AOPEP: variants seen among roughly 807,000 people sequenced by gnomAD.
AOPEP encodes aminopeptidase O.
A neutral mutation model predicts 98.1 loss-of-function variants in AOPEP; 77 were observed. The observed-to-expected ratio is 0.78, with a 90% confidence interval of 0.65 to 0.95. AOPEP has a LOEUF of 0.95. Ranked by LOEUF, AOPEP falls within the 40% of genes least tolerant of loss-of-function variation. The pLI, the probability that AOPEP is intolerant of heterozygous loss-of-function variation, is 0.00. For missense variants in AOPEP, 1,024 were observed against 1,024.7 expected (o/e 1.00, Z 0.01); for synonymous variants, 346 against 365.3 (o/e 0.95, Z 0.60).
chr9:94,962,832 ACGCCATTCTCC>A (rs1392989147), intron 9 of AOPEP, among the ~76,000 whole-genome samples: 1 of 146,264 alleles, frequency 6.8e-6, no homozygotes, highest in Non-Finnish European at 1.5e-5. Flanking sequence ...TTGTGGGTTC[ACGCCATTCTCC>A]CGCCATTCTC....
chr9:94,933,152 T>C lies in AOPEP; in HGVS notation c.1661+4621T>C, dbSNP rs80033375. 5 of 985,670 alleles carry C rather than the reference T, an allele frequency of 5.1e-6. No homozygotes were observed. The East Asian group carries it at 4.5e-4, about 89-fold the overall frequency. 61.1% of individuals were successfully genotyped at this position (985,670 alleles called of 1,614,324 possible). On this transcript the variant is annotated intron_variant, in intron 7 of 16. Transcript: ENST00000375315. ...GCCACTGTTCAGCTCTCTCCTGTCA[T>C]CTATCCCCTGCCTACAAGGTCCCCT... is the stretch of plus-strand genomic sequence containing the variant.
the AOPEP span, among the ~76,000 whole-genome samples, chr9:95,133,515 T>C: frequency 2.0e-5 from 3 of 152,364 alleles, no homozygotes; most frequent in East Asian, 3.9e-4. Flanking sequence ...TATACAGTTA[T>C]GTGCAATGGG....
rs1846030852 is a variant in AOPEP at position 94,792,834 on chromosome 9, G to C, written c.1034G>C (p.Cys345Ser). ...PASTFTIAVG[C>S]WTEMKMETWS... ...TCCACCTTCACAATTGCAGTGGGATGCTGGACAGAAATGAAGATGGAGACA... is the reference window on the plus strand; with the variant it reads ...TCCACCTTCACAATTGCAGTGGGATCCTGGACAGAAATGAAGATGGAGACA... Residue 345 changes from cysteine to serine, a missense_variant, in exon 4 of 17, where the codon TGC (cysteine) becomes TCC (serine). Physicochemically the swap from Cys to Ser is moderately radical, Grantham distance 112. Around this residue, in one of 3 missense-constraint regions of AOPEP, gnomAD observed 440 missense variants for 433.8 expected, o/e 1.01. Coordinates refer to ENST00000375315, the MANE Select transcript of AOPEP (RefSeq NM_001193329.3). The C allele has an allele frequency of 6.2e-7, 1 of 1,613,778 alleles. No homozygotes were observed. Among genetic ancestry groups the C allele is most frequent in the Admixed American group, 1.7e-5 (1 of 59,984 alleles).
the AOPEP span, chr9:95,117,533 G>A: frequency 5.7e-6 from 4 of 704,906 alleles, no homozygotes; most frequent in Non-Finnish European, 1.0e-5. Flanking sequence ...TTTATTTTTT[G>A]AAAAATAAGC....
intron 15 of AOPEP, among the ~76,000 whole-genome samples, chr9:95,082,219 C>T (rs577394557): frequency 2.6e-5 from 4 of 152,316 alleles, no homozygotes; most frequent in African/African-American, 9.6e-5. Context: ...TGTAATGCCA[C>T]ACAGGCTCTC....
chr9:95,039,633 A>G (rs570576256), intron 13 of AOPEP, among the ~76,000 whole-genome samples: 1 of 152,328 alleles, frequency 6.6e-6, no homozygotes, highest in East Asian at 1.9e-4. Flanking sequence ...AATTAAATAC[A>G]TTTAACATAA....
At chr9:94,830,867 T>G (rs2134445240) in intron 5 of AOPEP, among the ~76,000 whole-genome samples, 1 of 152,352 alleles carries the variant, frequency 6.6e-6, no homozygotes, top group Non-Finnish European at 1.5e-5. Context: ...AAGTGTCTGT[T>G]CATGTCCTTC....
chr9:95,142,539 G>C, the AOPEP span: 1 of 152,254 alleles, frequency 6.6e-6, no homozygotes, highest in East Asian at 1.9e-4. Context: ...AGTGGCTGTA[G>C]ACGCTAATGG....
chr9:94,795,519 G>A (rs1846732247), intron 4 of AOPEP, among the ~76,000 whole-genome samples: 1 of 152,156 alleles, frequency 6.6e-6, no homozygotes, highest in African/African-American at 2.4e-5. Flanking sequence ...TTTCATCTAA[G>A]GCCTCAGCAT....
intron 1 of AOPEP, among the ~76,000 whole-genome samples, chr9:94,728,923 CG>C (rs1829888480): frequency 6.6e-6 from 1 of 152,050 alleles, no homozygotes; most frequent in South Asian, 2.1e-4. Flanking sequence ...GCTGACATTG[CG>C]TTGATTTGTT....
intron 16 of AOPEP, chr9:95,086,269 C>T (rs994341851): frequency 8.3e-7 from 1 of 1,210,936 alleles, no homozygotes; most frequent in Non-Finnish European, 1.1e-6. Flanking sequence ...TTGGAAAACC[C>T]TGTTGGCAGA....
At chr9:94,741,439 A>ATTT (rs1287022350) in intron 1 of AOPEP, among the ~76,000 whole-genome samples, 1 of 151,460 alleles carries the variant, frequency 6.6e-6, no homozygotes, top group Non-Finnish European at 1.5e-5. Context: ...TGCCTGGCTA[A>ATTT]TTTTTGTATT....
chr9:95,121,831 A>G, the AOPEP span, among the ~76,000 whole-genome samples: 1 of 151,996 alleles, frequency 6.6e-6, no homozygotes, highest in African/African-American at 2.4e-5. Context: ...TTTCAGAAAG[A>G]GCAAAGGGAT....
intron 6 of AOPEP, among the ~76,000 whole-genome samples, chr9:94,924,787 G>T (rs1480227896): frequency 1.3e-5 from 2 of 152,148 alleles, no homozygotes; most frequent in African/African-American, 2.4e-5. Context: ...TACACTATTA[G>T]TTTTTTAAGG....
At chr9:94,825,366 C>T (rs1025978031) in intron 5 of AOPEP, among the ~76,000 whole-genome samples, 13 of 152,342 alleles carry the variant, frequency 8.5e-5, no homozygotes, top group Middle Eastern at 3.4e-3. Flanking sequence ...GGGAGACCCA[C>T]GTTGTCGAAG....
rs546940987 is a variant in AOPEP, at chr9:94,967,904, C to T, written c.1916+103C>T. 251 of 981,050 alleles carry T rather than the reference C, an allele frequency of 2.6e-4. No homozygotes were observed. In the African/African-American group the frequency reaches 3.6e-3, roughly 14 times the overall value. 60.8% of individuals were successfully genotyped at this position (981,050 alleles called of 1,614,324 possible). On this transcript the variant is annotated intron_variant, in intron 10 of 16. Transcript: ENST00000375315. The stretch of plus-strand genomic sequence containing the variant: ...TCACAGCCTAGAAAGCTCAGTCTTT[C>T]TGTCTAATAGAGGCAAGGACCTAGT...
chr9:95,001,761 A>T (rs1185457022), intron 11 of AOPEP, among the ~76,000 whole-genome samples: 1 of 152,160 alleles, frequency 6.6e-6, no homozygotes, highest in East Asian at 1.9e-4. Context: ...TCAATTTTTT[A>T]AAATTTATCG....
chr9:95,086,313 C>T, intron 16 of AOPEP: 4 of 985,470 alleles, frequency 4.1e-6, no homozygotes, highest in Non-Finnish European at 4.8e-6. Flanking sequence ...AGGCAGGACA[C>T]AGTGCCAGCA....
chr9:94,858,686 G>A (rs1280398027), intron 5 of AOPEP, among the ~76,000 whole-genome samples: 2 of 152,068 alleles, frequency 1.3e-5, no homozygotes, highest in Non-Finnish European at 2.9e-5. Flanking sequence ...TAGGAGGTGG[G>A]GCCTTTGGGA....
Sources: gnomAD v4.1 joint callset for allele counts (sites outside exome capture counted in the v4.1 genomes callset) on GRCh38, gnomAD v4.1.1 for gene constraint, gnomAD v4.1.1 regional missense constraint, MANE v1.5 for transcripts, NCBI Gene and HGNC (gene_info 2026-07-23, HGNC 2026-07-21) for gene names.